The following SGCZ variants were observed in gnomAD, a reference collection of about 807,000 sequenced individuals.
The protein encoded by SGCZ is sarcoglycan zeta.
SGCZ carries 40 observed loss-of-function variants against 41.3 expected under a neutral mutation model. The ratio of observed to expected loss-of-function variants is 0.97; its 90% CI spans 0.75 to 1.26. The LOEUF (loss-of-function observed/expected upper bound fraction) is 1.26. Ranked by LOEUF, SGCZ falls within the 50% of genes most tolerant of loss-of-function variation. The pLI, the probability that SGCZ is intolerant of heterozygous loss-of-function variation, is 0.00. For missense variants in SGCZ, 552 were observed against 369.8 expected, an observed-to-expected ratio of 1.49 and a Z score of -4.04; for synonymous variants, 206 against 137.5, an observed-to-expected ratio of 1.50 and a Z score of -3.49.
chr8:14,424,031 G>T (rs1374735208), intron 2 of SGCZ, among the ~76,000 whole-genome samples: 1 of 152,182 alleles, frequency 6.6e-6, no homozygotes, highest in East Asian at 1.9e-4. Flanking sequence ...GTAATTGAAA[G>T]CTTCAAAACA....
chr8:14,149,616 A>C (rs1345549500), intron 5 of SGCZ, among the ~76,000 whole-genome samples: 1 of 150,986 alleles, frequency 6.6e-6, no homozygotes, highest in African/African-American at 2.4e-5. Flanking sequence ...CTACAGACTC[A>C]GTGCAATCCC....
At position 14,899,752 on chromosome 8, in the gene SGCZ, A is replaced by G. The variant is rs1798899634; in HGVS notation, c.39+337833T>C. ...ATATACCAGCCTATACCTCAAAATG[A>G]GGATGGAAGGAGAGAAGGGAGAAAA... On this transcript the variant is annotated intron_variant, in intron 1 of 7. Coordinates refer to ENST00000382080, the MANE Select transcript of SGCZ (RefSeq NM_139167.4). 2.0e-5 allele frequency among the ~76,000 whole-genome samples: 3 copies of G among 152,064 alleles called. No homozygotes were observed. The South Asian group carries it at 6.2e-4, about 32-fold the overall frequency.
At chr8:14,588,842 G>A (rs908075632) in intron 1 of SGCZ, among the ~76,000 whole-genome samples, 7 of 152,030 alleles carry the variant, frequency 4.6e-5, no homozygotes, top group Non-Finnish European at 8.8e-5. Flanking sequence ...TACCCTCTGG[G>A]ATTTGGTACA....
chr8:14,957,123 G>A (rs1432548607), intron 1 of SGCZ, among the ~76,000 whole-genome samples: 1 of 152,050 alleles, frequency 6.6e-6, no homozygotes, highest in Non-Finnish European at 1.5e-5. Flanking sequence ...CATTGAACTT[G>A]ATTGCAATTA....
chr8:14,515,691 G>A (rs1282099273), intron 2 of SGCZ, among the ~76,000 whole-genome samples: 5 of 152,128 alleles, frequency 3.3e-5, no homozygotes, highest in South Asian at 2.1e-4. Flanking sequence ...GACCTGTGTC[G>A]TGCTTTAAAA....
chr8:14,264,082 A>C (rs1799775465), intron 3 of SGCZ, among the ~76,000 whole-genome samples: 1 of 152,162 alleles, frequency 6.6e-6, no homozygotes, highest in Non-Finnish European at 1.5e-5. Flanking sequence ...AGCCAGCACT[A>C]CCCAGTGGTT....
chr8:14,138,248 G>A (rs1404363896), intron 5 of SGCZ, among the ~76,000 whole-genome samples: 8 of 152,144 alleles, frequency 5.3e-5, no homozygotes, highest in Admixed American at 1.3e-4. Context: ...AAAGACCATC[G>A]AGGCTAGGAA....
At chr8:14,796,070 A>G (rs1656779555) in intron 1 of SGCZ, among the ~76,000 whole-genome samples, 1 of 152,152 alleles carries the variant, frequency 6.6e-6, no homozygotes, top group African/African-American at 2.4e-5. Context: ...TATCCAGTCT[A>G]TCACTGATGG....
intron 2 of SGCZ, among the ~76,000 whole-genome samples, chr8:14,480,996 T>C (rs973681638): frequency 6.6e-5 from 10 of 152,086 alleles, no homozygotes; most frequent in African/African-American, 2.2e-4. Context: ...TCACAGTTTA[T>C]ATTTATCAAT....
At chr8:15,088,967 C>T (rs892439411) in intron 1 of SGCZ, among the ~76,000 whole-genome samples, 3 of 152,126 alleles carry the variant, frequency 2.0e-5, no homozygotes, top group African/African-American at 7.2e-5. Flanking sequence ...GTCATAGGTG[C>T]TCCTAATGTT....
In SGCZ at chr8:14,703,766, T is replaced by C. The variant is rs187705122; in HGVS notation, c.40-148840A>G. 2.0e-5 allele frequency among the ~76,000 whole-genome samples: 3 copies of C among 152,098 alleles called. No homozygotes were observed. In the East Asian group the frequency reaches 5.8e-4, roughly 29 times the overall value. On this transcript the variant is annotated intron_variant, in intron 1 of 7. Transcript: ENST00000382080. Reference sequence around the variant, plus strand: ...GGTCTCTTAATAACACTAAGTTTGATTGAAGAGCCATGTCAAGCAATTTGG... The same window carrying C: ...GGTCTCTTAATAACACTAAGTTTGACTGAAGAGCCATGTCAAGCAATTTGG...
chr8:14,220,186 A>C (rs1806143407), intron 4 of SGCZ, among the ~76,000 whole-genome samples: 1 of 152,150 alleles, frequency 6.6e-6, no homozygotes, highest in East Asian at 1.9e-4. Flanking sequence ...TGACACTACT[A>C]CAGCCCCAAC....
At chr8:15,160,805 C>A (rs1799488704) in intron 1 of SGCZ, among the ~76,000 whole-genome samples, 1 of 152,178 alleles carries the variant, frequency 6.6e-6, no homozygotes, top group East Asian at 1.9e-4. Context: ...GGTGCTCAGG[C>A]CAAAAGGCAC....
intron 1 of SGCZ, among the ~76,000 whole-genome samples, chr8:14,588,625 G>C (rs543873086): frequency 6.6e-6 from 1 of 152,088 alleles, no homozygotes; most frequent in African/African-American, 2.4e-5. Context: ...GAAAAGAAAA[G>C]AGAAAATGGC....
At chr8:14,199,821 G>A (rs1053652929) in intron 4 of SGCZ, among the ~76,000 whole-genome samples, 11 of 152,154 alleles carry the variant, frequency 7.2e-5, no homozygotes, top group African/African-American at 1.9e-4. Context: ...GAAAGTTCAC[G>A]ACTGACAATG....
At chr8:15,032,608 G>T (rs1297073492) in intron 1 of SGCZ, among the ~76,000 whole-genome samples, 2 of 152,130 alleles carry the variant, frequency 1.3e-5, no homozygotes, top group Non-Finnish European at 2.9e-5. Context: ...CCCCAGCACT[G>T]GGCTGACCCC....
intron 1 of SGCZ, among the ~76,000 whole-genome samples, chr8:14,648,341 C>T (rs537516039): frequency 6.6e-6 from 1 of 152,024 alleles, no homozygotes; most frequent in East Asian, 1.9e-4. Context: ...AACATGCTTT[C>T]TTCAAATCAA....
chr8:14,356,831 C>G (rs1803314079), intron 2 of SGCZ, among the ~76,000 whole-genome samples: 1 of 151,908 alleles, frequency 6.6e-6, no homozygotes, highest in African/African-American at 2.4e-5. Flanking sequence ...AAGTTAGCTA[C>G]TTAAGTAAAA....
intron 2 of SGCZ, among the ~76,000 whole-genome samples, chr8:14,361,775 A>C (rs955661041): frequency 6.6e-6 from 1 of 151,954 alleles, no homozygotes; most frequent in Non-Finnish European, 1.5e-5. Flanking sequence ...GGTTTTTGGA[A>C]TTTTCAGCCT....
Sources: allele counts gnomAD v4.1 joint callset (sites outside exome capture counted in the v4.1 genomes callset), GRCh38; gene constraint gnomAD v4.1.1; transcripts MANE v1.5; gene names NCBI Gene and HGNC (gene_info 2026-07-23, HGNC 2026-07-21).